Variants in ITPR2 observed in about 807,000 individuals in gnomAD.
The protein encoded by ITPR2 is inositol 1,4,5-trisphosphate-gated calcium channel ITPR2.
In ITPR2, 207 loss-of-function variants were observed where a neutral mutation model predicts 317.1. That is an observed-to-expected ratio of 0.65 (90% CI 0.58 to 0.73). The LOEUF (loss-of-function observed/expected upper bound fraction) is 0.73. Among genes scored for constraint, ITPR2 ranks in the 30% least tolerant of loss-of-function variants. The pLI is 0.00. For missense variants in ITPR2, 2,613 were observed against 3,284.0 expected (o/e 0.80, Z 4.99); for synonymous variants, 1,156 against 1,149.1 (o/e 1.01, Z -0.12).
chr12:26,534,374 G>T (rs892430257), intron 37 of ITPR2, among the ~76,000 whole-genome samples: 5 of 152,182 alleles, frequency 3.3e-5, no homozygotes, highest in Non-Finnish European at 7.3e-5. Flanking sequence ...GAAATGGTTT[G>T]ATCTCAACTA....
At chr12:26,534,677 T>G (rs751626317) in intron 37 of ITPR2, among the ~76,000 whole-genome samples, 6 of 152,198 alleles carry the variant, frequency 3.9e-5, no homozygotes, top group Non-Finnish European at 8.8e-5. Context: ...AAAAAGATGT[T>G]GAACAGCTAG....
At chr12:26,613,420 T>C (rs1531927) in intron 26 of ITPR2, among the ~76,000 whole-genome samples, 20,537 of 152,050 alleles carry the variant, frequency 0.14, 1,887 homozygotes, top group Admixed American at 0.19. Context: ...ATTTAAAACA[T>C]CTCTTTATAG....
chr12:26,734,796 G>A (rs1030967808), intron 2 of ITPR2, among the ~76,000 whole-genome samples: 6 of 151,948 alleles, frequency 3.9e-5, no homozygotes, highest in African/African-American at 9.7e-5. Context: ...TAGTTCCTCC[G>A]TAAGCAGAGA....
intron 37 of ITPR2, among the ~76,000 whole-genome samples, chr12:26,518,779 C>A (rs1440136223): frequency 6.6e-6 from 1 of 151,894 alleles, no homozygotes; most frequent in Non-Finnish European, 1.5e-5. Context: ...AGAAAATTAA[C>A]CAGCAGAAAC....
chr12:26,479,144 GA>G (rs11322201), intron 43 of ITPR2, among the ~76,000 whole-genome samples: 92,073 of 140,750 alleles, frequency 0.65, 30,936 homozygotes, highest in Non-Finnish European at 0.76. Flanking sequence ...CATTCACTAA[GA>G]AAAAAAAAAA....
At position 26,456,638 on chromosome 12, in the gene ITPR2, C is replaced by T. The variant is rs549608794; in HGVS notation, c.6343-12988G>A. On this transcript the variant is annotated intron_variant, in intron 45 of 56. Transcript: ENST00000381340. The stretch of plus-strand genomic sequence containing the variant: ...CTTTCTTGCATGAGGTCCAAGAACC[C>T]TCTAATGGGGTCTGGATCAGGACCC... 2.0e-5 allele frequency among the ~76,000 whole-genome samples: 3 copies of T among 152,254 alleles called. No individual in the cohort carries two copies. In the South Asian group the frequency reaches 6.2e-4, roughly 32 times the overall value.
intron 48 of ITPR2, among the ~76,000 whole-genome samples, chr12:26,430,455 G>T (rs1334605756): frequency 6.6e-6 from 1 of 152,156 alleles, no homozygotes; most frequent in East Asian, 1.9e-4. Context: ...GTAGAGTCTA[G>T]GTTTCACCCT....
chr12:26,474,682 T>C (rs1332451356), intron 45 of ITPR2, among the ~76,000 whole-genome samples: 2 of 145,768 alleles, frequency 1.4e-5, no homozygotes, highest in Non-Finnish European at 3.0e-5. Context: ...TAGTCCCAGC[T>C]ACTTGGGAGG....
At position 26,704,422 on chromosome 12, in the gene ITPR2, A is replaced by G. The variant is rs141553958; in HGVS notation, c.951+6751T>C. Among the ~76,000 whole-genome samples the G allele has an allele frequency of 3.1e-3, 470 of 152,340 alleles. 2 individuals are homozygous for G. The highest frequency in any genetic ancestry group is 0.011 in the African/African-American group (451 of 41,574). ...TGGCTGGCTGTGTGTTATACCTGAC[A>G]TAGGAACTGCACAACAGATCATGAG... On this transcript the variant is annotated intron_variant, in intron 9 of 56. Coordinates refer to ENST00000381340, the MANE Select transcript of ITPR2 (RefSeq NM_002223.4).
chr12:26,494,619 A>G (rs1016573273), intron 38 of ITPR2, among the ~76,000 whole-genome samples: 18 of 151,744 alleles, frequency 1.2e-4, no homozygotes, highest in African/African-American at 3.9e-4. Context: ...AAAATACAAA[A>G]ATTAGCCAGG....
At chr12:26,492,222 A>T (rs1403951756) in intron 39 of ITPR2, among the ~76,000 whole-genome samples, 1 of 152,196 alleles carries the variant, frequency 6.6e-6, no homozygotes, top group Non-Finnish European at 1.5e-5. Flanking sequence ...GTAAAGAAGG[A>T]CTGAAAAATA....
At chr12:26,443,861 G>C (rs1941546970) in intron 45 of ITPR2, among the ~76,000 whole-genome samples, 1 of 152,110 alleles carries the variant, frequency 6.6e-6, no homozygotes, top group Non-Finnish European at 1.5e-5. Context: ...TTAAATTTAT[G>C]TCTTCAATAA....
At chr12:26,451,365 T>TCACA (rs57642539) in intron 45 of ITPR2, among the ~76,000 whole-genome samples, 5,199 of 136,288 alleles carry the variant, frequency 0.038, 227 homozygotes, top group East Asian at 0.13. Flanking sequence ...TTCTCTCATA[T>TCACA]CACACACACA....
intron 5 of ITPR2, among the ~76,000 whole-genome samples, chr12:26,718,356 T>C (rs1234240171): frequency 6.6e-6 from 1 of 152,154 alleles, no homozygotes; most frequent in Non-Finnish European, 1.5e-5. Flanking sequence ...TTACTAAATA[T>C]AATGACATAT....
chr12:26,628,197 T>C (rs761481379), intron 22 of ITPR2, 35 bp from the exon 23 acceptor site: 1 of 1,530,794 alleles, frequency 6.5e-7, no homozygotes, highest in South Asian at 1.2e-5. Flanking sequence ...TAAATTTCTT[T>C]CATTAGCATA....
At chr12:26,381,428 T>C (rs1317498366) in intron 55 of ITPR2, among the ~76,000 whole-genome samples, 1 of 152,178 alleles carries the variant, frequency 6.6e-6, no homozygotes, top group East Asian at 1.9e-4. Flanking sequence ...CAATTTCCTA[T>C]TTATCTTTAT....
chr12:26,347,089 C>T (rs985702537), intron 55 of ITPR2, among the ~76,000 whole-genome samples: 1 of 152,144 alleles, frequency 6.6e-6, no homozygotes, highest in African/African-American at 2.4e-5. Context: ...ACAATAGCAG[C>T]AAATGTCCCT....
intron 9 of ITPR2, among the ~76,000 whole-genome samples, chr12:26,696,003 C>CAA (rs147092805): frequency 2.0e-5 from 3 of 151,382 alleles, no homozygotes; most frequent in South Asian, 2.1e-4. Flanking sequence ...ACAAATTAAA[C>CAA]AAAAAAAACC....
chr12:26,380,449 T>C (rs1443301485), intron 55 of ITPR2, among the ~76,000 whole-genome samples: 1 of 152,124 alleles, frequency 6.6e-6, no homozygotes, highest in Admixed American at 6.5e-5. Context: ...ATGTGGGAAG[T>C]GAGGGTGGTA....
Sources: allele counts gnomAD v4.1 joint callset (sites outside exome capture counted in the v4.1 genomes callset), GRCh38; gene constraint gnomAD v4.1.1; transcripts MANE v1.5; gene names NCBI Gene and HGNC (gene_info 2026-07-23, HGNC 2026-07-21).